The following MYO1D variants were observed in gnomAD, a reference collection of about 807,000 sequenced individuals.
MYO1D encodes myosin ID.
MYO1D carries 83 observed loss-of-function variants against 122.0 expected under a neutral mutation model. That is an observed-to-expected ratio of 0.68 (90% confidence interval 0.57 to 0.82). The LOEUF (loss-of-function observed/expected upper bound fraction) is 0.82. Among genes scored for constraint, MYO1D ranks in the 40% least tolerant of loss-of-function variants. MYO1D has a pLI of 0.00. For missense variants in MYO1D, 1,157 were observed against 1,269.5 expected (o/e 0.91, Z 1.35); for synonymous variants, 464 against 446.9 (o/e 1.04, Z -0.48).
chr17:32,866,817 G>A (rs1484184486), intron 1 of MYO1D, among the ~76,000 whole-genome samples: 2 of 152,180 alleles, frequency 1.3e-5, no homozygotes, highest in South Asian at 2.1e-4. Flanking sequence ...AGAAGGCCAG[G>A]ATGGCTCAGG....
At chr17:32,697,718 GGTTT>G (rs1160839566) in intron 16 of MYO1D, among the ~76,000 whole-genome samples, 1 of 151,808 alleles carries the variant, frequency 6.6e-6, no homozygotes, top group Non-Finnish European at 1.5e-5. Context: ...TCAACATCAG[GGTTT>G]TTTTTCCAAT....
At chr17:32,539,056 ATG>A (rs1163712870) in intron 21 of MYO1D, among the ~76,000 whole-genome samples, 4 of 89,602 alleles carry the variant, frequency 4.5e-5, no homozygotes, top group Non-Finnish European at 9.1e-5. Context: ...ACCATGGCAC[ATG>A]TTTACCTACG....
rs140939595 is a variant in MYO1D, at chr17:32,856,870, C to T, written c.95+19908G>A. Among the ~76,000 whole-genome samples, 148 of 152,316 alleles carry T rather than the reference C, an allele frequency of 9.7e-4. 1 individual carries two copies. Among genetic ancestry groups the T allele is most frequent in the African/African-American group, 3.3e-3 (139 of 41,568 alleles). ...TTTGATCTCAACATGAGAAGAGGTA[C>T]TGGGAAATATCCTCCTTTTTCCAAT... On this transcript the variant is annotated intron_variant, in intron 1 of 21. Coordinates refer to ENST00000318217, the MANE Select transcript of MYO1D (RefSeq NM_015194.3).
intron 2 of MYO1D, among the ~76,000 whole-genome samples, chr17:32,779,984 T>C (rs1283254688): frequency 1.3e-5 from 2 of 152,206 alleles, no homozygotes; most frequent in Non-Finnish European, 2.9e-5. Context: ...ATATTTTTCC[T>C]GTCCCCATTT....
intron 16 of MYO1D, among the ~76,000 whole-genome samples, chr17:32,685,531 G>A (rs1193598625): frequency 6.6e-6 from 1 of 152,140 alleles, no homozygotes; most frequent in African/African-American, 2.4e-5. Flanking sequence ...CTATATAATG[G>A]CAGGTAGCCT....
At chr17:32,603,964 A>G (rs1387910632) in intron 21 of MYO1D, among the ~76,000 whole-genome samples, 2 of 152,200 alleles carry the variant, frequency 1.3e-5, no homozygotes, top group Admixed American at 1.3e-4. Flanking sequence ...ATTAAGTATT[A>G]TTTTACTTAC....
chr17:32,788,654 G>C (rs762964615), intron 1 of MYO1D, among the ~76,000 whole-genome samples: 9 of 152,124 alleles, frequency 5.9e-5, no homozygotes, highest in Non-Finnish European at 8.8e-5. Flanking sequence ...GGTAACTATA[G>C]CCTTACAGTA....
intron 21 of MYO1D, among the ~76,000 whole-genome samples, chr17:32,592,557 C>A (rs1193122328): frequency 1.3e-5 from 2 of 152,016 alleles, no homozygotes; most frequent in East Asian, 1.9e-4. Flanking sequence ...TTTTAACAAG[C>A]AAAAAATATA....
rs186519574 is a variant in MYO1D, at chr17:32,645,289, G to C, written c.2596-6454C>G. On this transcript the variant is annotated intron_variant, in intron 19 of 21. Transcript: ENST00000318217. ...GTTTCTGCTGAGAGATCAGCTGTTAGTGTGATGGGCTTCCCTTTGTGGGTA... is the reference window on the plus strand; with the variant it reads ...GTTTCTGCTGAGAGATCAGCTGTTACTGTGATGGGCTTCCCTTTGTGGGTA... Among the ~76,000 whole-genome samples, 810 of 152,340 alleles carry C rather than the reference G, an allele frequency of 5.3e-3. 8 individuals carry two copies. The highest frequency in any genetic ancestry group is 8.2e-3 in the Non-Finnish European group (557 of 68,038).
intron 21 of MYO1D, among the ~76,000 whole-genome samples, chr17:32,570,758 A>G (rs568488749): frequency 2.0e-5 from 3 of 152,244 alleles, no homozygotes; most frequent in Non-Finnish European, 4.4e-5. Flanking sequence ...ACTCAGTGAC[A>G]TCCCAGTTTG....
At position 32,876,884 on chromosome 17, in the gene MYO1D, G is replaced by A; in HGVS notation, c.-12C>T. 4 of 1,468,442 alleles carry A rather than the reference G, an allele frequency of 2.7e-6. No individual in the cohort carries two copies. Among genetic ancestry groups the A allele is most frequent in the Non-Finnish European group, 3.6e-6 (4 of 1,101,690 alleles). The allele number at this position is 1,468,442 out of a possible 1,614,324, so 91.0% of individuals were successfully genotyped here. On this transcript the variant is annotated 5_prime_UTR_variant, in exon 1 of 22. Coordinates refer to ENST00000318217, the MANE Select transcript of MYO1D (RefSeq NM_015194.3). ...TCCTGCTCCGCCATGGCGCCAGCGC[G>A]GGGGCTCAGGTGGGCGCGCTCGGGC...
intron 1 of MYO1D, among the ~76,000 whole-genome samples, chr17:32,790,648 G>A (rs2090341461): frequency 6.6e-6 from 1 of 152,116 alleles, no homozygotes; most frequent in Admixed American, 6.6e-5. Context: ...ACAATTAAAT[G>A]GTATCTACTC....
chr17:32,627,072 C>T (rs766252970), intron 20 of MYO1D, among the ~76,000 whole-genome samples: 3 of 152,056 alleles, frequency 2.0e-5, no homozygotes, highest in East Asian at 1.9e-4. Flanking sequence ...TGTTATAACA[C>T]GCAGAACTAT....
intron 20 of MYO1D, among the ~76,000 whole-genome samples, chr17:32,634,029 A>G (rs1464964020): frequency 1.3e-5 from 2 of 152,196 alleles, no homozygotes; most frequent in Non-Finnish European, 2.9e-5. Context: ...TGACACCTCT[A>G]TGTTCCTAAT....
intron 21 of MYO1D, among the ~76,000 whole-genome samples, chr17:32,562,627 T>C (rs1049375736): frequency 6.6e-6 from 1 of 152,106 alleles, no homozygotes; most frequent in Non-Finnish European, 1.5e-5. Flanking sequence ...GGACTACAGG[T>C]GCGTGCCACC....
intron 21 of MYO1D, among the ~76,000 whole-genome samples, chr17:32,564,707 A>G (rs1355189869): frequency 2.6e-5 from 4 of 152,182 alleles, no homozygotes; most frequent in African/African-American, 9.7e-5. Context: ...CAGTGAGCAC[A>G]AGACATAACA....
chr17:32,627,856 T>C (rs1035756891), intron 20 of MYO1D: 1 of 152,308 alleles, frequency 6.6e-6, no homozygotes, highest in Admixed American at 6.5e-5. Flanking sequence ...AACAGATTTT[T>C]TGTTTACGCA....
chr17:32,676,324 A>AT (rs895071527), intron 16 of MYO1D, among the ~76,000 whole-genome samples: 3 of 147,288 alleles, frequency 2.0e-5, no homozygotes, highest in Non-Finnish European at 4.5e-5. Context: ...AGCTATTTAG[A>AT]TTTTTTCTTT....
intron 21 of MYO1D, among the ~76,000 whole-genome samples, chr17:32,584,615 T>G (rs7218903): frequency 0.033 from 5,063 of 151,756 alleles, 282 homozygotes; most frequent in African/African-American, 0.12. Flanking sequence ...GCCTTTGGAG[T>G]TGGAGTAGCT....
Sources: allele counts gnomAD v4.1 joint callset (sites outside exome capture counted in the v4.1 genomes callset), GRCh38; gene constraint gnomAD v4.1.1; transcripts MANE v1.5; gene names NCBI Gene and HGNC (gene_info 2026-07-23, HGNC 2026-07-21).